Variants in PLEKHM1 observed in about 807,000 individuals in gnomAD.
PLEKHM1 encodes the protein pleckstrin homology and RUN domain containing M1, also known as pleckstrin homology domain-containing family M member 1.
Under a neutral mutation model 94.3 loss-of-function variants are expected in PLEKHM1, and 28 were observed. The observed-to-expected ratio is 0.30, with a 90% CI of 0.22 to 0.41. The LOEUF is 0.41. Among genes scored for constraint, PLEKHM1 ranks in the 10% least tolerant of loss-of-function variants. The probability of loss-of-function intolerance (pLI) is 1.00; values close to 1 mark genes in which losing one functional copy is unlikely to be tolerated. For missense variants in PLEKHM1, 907 were observed against 1,358.6 expected (o/e 0.67, Z 5.22); for synonymous variants, 424 against 581.2 (o/e 0.73, Z 3.89).
At chr17:45,459,615 T>C (rs2051090919) in intron 5 of PLEKHM1, 2 of 147,466 alleles carry the variant, frequency 1.4e-5, no homozygotes. Context: ...TGTAGACATG[T>C]TTCATTGTCT....
rs1238447274 is a variant in PLEKHM1, at chr17:45,453,762, G to C, written c.2090C>G (p.Thr697Ser). The change falls in exon 7 of 12, where the codon ACC becomes AGC. Residue 697 changes from threonine (T) to serine (S), a missense_variant. Coordinates refer to ENST00000430334, the MANE Select transcript of PLEKHM1 (RefSeq NM_014798.3). This position sits in a 1 kb window ranked among gnomAD's most constrained non-coding sequence, Gnocchi z 4.1. ...CAGAGAAAATATATAGGGCATCCAG[G>C]TCCTGTCCATGTACAAGTACAGCAG... ...ESLLYLYMDRTWMPYIFSLSL... is the reference protein window; with the variant it reads ...ESLLYLYMDRSWMPYIFSLSL... 1 of 1,613,956 alleles carries C rather than the reference G, an allele frequency of 6.2e-7. No individual in the cohort carries two copies. Among genetic ancestry groups the C allele is most frequent in the South Asian group, 1.1e-5 (1 of 91,074 alleles).
intron 5 of PLEKHM1, chr17:45,459,961 A>C (rs1264633535): frequency 6.6e-6 from 1 of 151,052 alleles, no homozygotes; most frequent in Non-Finnish European, 1.5e-5. Flanking sequence ...AGAAGTAATT[A>C]GTTAAGATGA....
At chr17:45,440,351 G>A (rs1275400295) in intron 9 of PLEKHM1, 125 bp from the exon 10 acceptor site, 2 of 938,140 alleles carry the variant, frequency 2.1e-6, no homozygotes, top group Middle Eastern at 2.2e-4. Flanking sequence ...CGGGGCAGGG[G>A]CTAGGAGTGT....
At position 45,453,907 on chromosome 17, in the gene PLEKHM1, C is replaced by G; in HGVS notation, c.1945G>C (p.Glu649Gln). Residue 649 changes from glutamate (E) to glutamine (Q), a missense_variant, in exon 7 of 12, where the codon GAG (glutamate) becomes CAG (glutamine). Transcript: ENST00000430334. This position sits in a 1 kb window ranked among gnomAD's most constrained non-coding sequence, Gnocchi z 4.1. ...GGAGAGAGGCAGCCCTGGGGCGCCTCGGGGGGTTCCTCAGGCTGGTCTGGG... is the reference window on the plus strand; with the variant it reads ...GGAGAGAGGCAGCCCTGGGGCGCCTGGGGGGGTTCCTCAGGCTGGTCTGGG... The part of the protein sequence containing the change: ...QYPDQPEEPP[E>Q]APQGCLSPSD... 1 of 1,613,772 alleles carries G rather than the reference C, an allele frequency of 6.2e-7. No individual in the cohort carries two copies. Among genetic ancestry groups the G allele is most frequent in the Non-Finnish European group, 8.5e-7 (1 of 1,179,738 alleles).
intron 2 of PLEKHM1, among the ~76,000 whole-genome samples, chr17:45,482,065 T>C (rs2051970568): frequency 6.6e-6 from 1 of 151,636 alleles, no homozygotes; most frequent in African/African-American, 2.4e-5. Context: ...TTCAGATACA[T>C]GTAAGTTACC....
At chr17:45,456,600 CA>C (rs374907838) in intron 6 of PLEKHM1, among the ~76,000 whole-genome samples, 9 of 152,350 alleles carry the variant, frequency 5.9e-5, no homozygotes, top group African/African-American at 2.2e-4. Context: ...CCACAGCCAT[CA>C]CACGGGCCAA....
chr17:45,472,042 C>A (rs2051529917), intron 4 of PLEKHM1, among the ~76,000 whole-genome samples: 1 of 152,126 alleles, frequency 6.6e-6, no homozygotes, highest in African/African-American at 2.4e-5. Context: ...TTATGCTTTT[C>A]TTTATGTTTG....
At chr17:45,446,989 C>T (rs1597924019) in intron 8 of PLEKHM1, among the ~76,000 whole-genome samples, 2 of 152,310 alleles carry the variant, frequency 1.3e-5, no homozygotes, top group South Asian at 4.1e-4. Flanking sequence ...CGGCACTCGG[C>T]AGGATGTCAG....
chr17:45,434,814 C>T (rs1400647351), downstream of PLEKHM1, among the ~76,000 whole-genome samples: 1 of 151,826 alleles, frequency 6.6e-6, no homozygotes, highest in Non-Finnish European at 1.5e-5. Flanking sequence ...CTCCAAACCA[C>T]CTGTCCTCCT....
At chr17:45,466,468 A>G (rs1471311679) in intron 5 of PLEKHM1, among the ~76,000 whole-genome samples, 2 of 152,230 alleles carry the variant, frequency 1.3e-5, no homozygotes, top group Non-Finnish European at 2.9e-5. Flanking sequence ...CAAGCCTTAT[A>G]GACTAGAAAA....
intron 6 of PLEKHM1, among the ~76,000 whole-genome samples, chr17:45,456,988 G>A (rs1476692664): frequency 6.6e-6 from 1 of 151,920 alleles, no homozygotes; most frequent in Non-Finnish European, 1.5e-5. Flanking sequence ...TCAGACCAGT[G>A]TGGCCAACAT....
chr17:45,453,275 G>T lies in PLEKHM1; in HGVS notation c.2497+80C>A. 6 of 1,447,060 alleles carry T rather than the reference G, an allele frequency of 4.1e-6. No individual in the cohort carries two copies. Among genetic ancestry groups the T allele is most frequent in the Non-Finnish European group, 5.7e-6 (6 of 1,050,002 alleles). The allele number at this position is 1,447,060 out of a possible 1,614,324, so 89.6% of individuals were successfully genotyped here. On this transcript the variant is annotated intron_variant, in intron 7 of 11. Transcript: ENST00000430334. This position sits in a 1 kb window ranked among gnomAD's most constrained non-coding sequence, Gnocchi z 4.1. ...GGGGGCATTTGCGGGGAGGCAGAAG[G>T]GTGGGGAGCCTAAATCAGGAACCAG...
intron 7 of PLEKHM1, among the ~76,000 whole-genome samples, chr17:45,452,162 G>A (rs1047857189): frequency 4.6e-5 from 7 of 152,114 alleles, no homozygotes; most frequent in Non-Finnish European, 2.9e-5. Flanking sequence ...ATGGTGGGGG[G>A]AGTGGGAGGG....
At chr17:45,470,018 G>C (rs1447931162) in intron 4 of PLEKHM1, among the ~76,000 whole-genome samples, 1 of 152,084 alleles carries the variant, frequency 6.6e-6, no homozygotes, top group Non-Finnish European at 1.5e-5. Context: ...GTTGCAGTGA[G>C]CCGAGATTGT....
chr17:45,448,013 G>T (rs1208909949), intron 8 of PLEKHM1: 1 of 152,174 alleles, frequency 6.6e-6, no homozygotes, highest in Admixed American at 6.5e-5. Flanking sequence ...GGTCAGGCTG[G>T]TCTCAACTCC....
rs1266376811 is a variant in PLEKHM1 at position 45,436,863 on chromosome 17, G to A, written c.*995C>T. The A allele has an allele frequency of 2.2e-6, 1 of 453,674 alleles. No individual in the cohort carries two copies. The highest frequency in any genetic ancestry group is 2.3e-5 in the Admixed American group (1 of 42,570). 28.1% of individuals were successfully genotyped at this position (453,674 alleles called of 1,614,324 possible). On this transcript the variant is annotated 3_prime_UTR_variant, in exon 12 of 12. Coordinates refer to ENST00000430334, the MANE Select transcript of PLEKHM1 (RefSeq NM_014798.3). ...TCACTTCTCCACAGTGCAGGGCGTG[G>A]CTGCCTGCCCTCTCTGGGGTCCTGC...
chr17:45,438,157 C>T (rs1025945697), intron 11 of PLEKHM1, among the ~76,000 whole-genome samples, 188 bp from the exon 12 acceptor site: 1 of 152,258 alleles, frequency 6.6e-6, no homozygotes, highest in African/African-American at 2.4e-5. Context: ...ATACGTCACA[C>T]AATGCACACT....
chr17:45,435,818 A>G, downstream of PLEKHM1: 1 of 393,556 alleles, frequency 2.5e-6, no homozygotes, highest in Non-Finnish European at 5.1e-6. Flanking sequence ...ACATGAGGGT[A>G]GGGGACCCTG....
chr17:45,450,695 A>C lies in PLEKHM1; in HGVS notation c.2566T>G (p.Cys856Gly). 1 of 1,605,994 alleles carries C rather than the reference A, an allele frequency of 6.2e-7. No individual in the cohort carries two copies. Among genetic ancestry groups the C allele is most frequent in the Non-Finnish European group, 8.5e-7 (1 of 1,176,886 alleles). Residue 856 changes from cysteine to glycine, a missense_variant, in exon 8 of 12, where the codon TGT (cysteine) becomes GGT (glycine). Physicochemically the swap from Cys to Gly is radical, Grantham distance 159 (BLOSUM62 -3). Around this residue, in one of 3 missense-constraint regions of PLEKHM1, gnomAD observed 254 missense variants for 451.1 expected, o/e 0.56. Transcript: ENST00000430334. ...GCATCGTCTTGGTGGCAGATGTCACAGTAATAGAGGCCAGAGAAGGCACAG... is the reference window on the plus strand; with the variant it reads ...GCATCGTCTTGGTGGCAGATGTCACCGTAATAGAGGCCAGAGAAGGCACAG... ...KLCAFSGLYY[C>G]DICHQDDASV...
Sources: gnomAD v4.1 joint callset for allele counts (sites outside exome capture counted in the v4.1 genomes callset) on GRCh38, gnomAD v4.1.1 for gene constraint, gnomAD v4.1.1 regional missense constraint, Gnocchi (gnomAD v3.1) non-coding constraint, MANE v1.5 for transcripts, NCBI Gene and HGNC (gene_info 2026-07-23, HGNC 2026-07-21) for gene names.